Variants in SLMAP observed in about 807,000 individuals in gnomAD.
SLMAP encodes sarcolemma associated protein.
Under a neutral mutation model 128.8 loss-of-function variants are expected in SLMAP, and 44 were observed. The observed-to-expected ratio is 0.34, with a 90% CI of 0.27 to 0.44. The LOEUF (loss-of-function observed/expected upper bound fraction) is 0.44. Among genes scored for constraint, SLMAP ranks in the 20% least tolerant of loss-of-function variants. The probability of loss-of-function intolerance (pLI) is 1.00; values close to 1 mark genes in which losing one functional copy is unlikely to be tolerated. For synonymous variants in SLMAP, 327 were observed against 348.8 expected (o/e 0.94, Z 0.70); for missense variants, 787 against 985.3 (o/e 0.80, Z 2.69).
chr3:57,856,106 G>T (rs918467377), intron 6 of SLMAP, among the ~76,000 whole-genome samples: 2 of 151,882 alleles, frequency 1.3e-5, no homozygotes, highest in African/African-American at 4.8e-5. Context: ...TAGCTATTTG[G>T]AGGGCTGAGG....
chr3:57,819,298 T>C (rs371947424), intron 2 of SLMAP, among the ~76,000 whole-genome samples: 6 of 152,206 alleles, frequency 3.9e-5, no homozygotes, highest in African/African-American at 1.4e-4. Flanking sequence ...CAAAGTTATA[T>C]GCCAACTTGA....
At chr3:57,866,894 C>G (rs2095318598) in intron 13 of SLMAP, among the ~76,000 whole-genome samples, 1 of 151,684 alleles carries the variant, frequency 6.6e-6, no homozygotes, top group Non-Finnish European at 1.5e-5. Flanking sequence ...AAAATCATGT[C>G]CGGGGCAGTG....
At chr3:57,845,651 AC>A (rs1055397959) in intron 4 of SLMAP, among the ~76,000 whole-genome samples, 110 of 152,132 alleles carry the variant, frequency 7.2e-4, no homozygotes, top group African/African-American at 2.5e-3. Context: ...CCCTGTACTC[AC>A]CCCCAACATA....
intron 7 of SLMAP, 26 bp from the exon 8 acceptor site, chr3:57,858,062 A>G (rs201922756): frequency 4.4e-6 from 6 of 1,374,642 alleles, no homozygotes; most frequent in Non-Finnish European, 6.2e-6. Flanking sequence ...CTCGGGTTTT[A>G]CTTACATTTA....
chr3:57,923,270 G>A (rs1288794628), intron 23 of SLMAP, among the ~76,000 whole-genome samples: 1 of 152,206 alleles, frequency 6.6e-6, no homozygotes, highest in East Asian at 1.9e-4. Flanking sequence ...CAATAAAGCA[G>A]CTTGCTTAAG....
At chr3:57,896,764 C>T in intron 16 of SLMAP, 109 bp from the exon 17 acceptor site, 1 of 1,402,678 alleles carries the variant, frequency 7.1e-7, no homozygotes, top group South Asian at 1.5e-5. Flanking sequence ...TTTCAACTAC[C>T]CGAATATAAT....
At chr3:57,882,301 TA>T (rs2095765719) in intron 14 of SLMAP, among the ~76,000 whole-genome samples, 1 of 151,972 alleles carries the variant, frequency 6.6e-6, no homozygotes, top group Admixed American at 6.6e-5. Flanking sequence ...AGACAAAAAA[TA>T]ATAAACCAAA....
Position 57,831,415 on chromosome 3 carries a change from T to C in SLMAP, c.231T>C (p.Gly77=). The part of the protein sequence containing the change: ...FYLQDTKSSN[G]TFINSQRLSR... Reference sequence around the variant, plus strand: ...TTCAAGACACTAAAAGTAGTAATGGTACTTTTATAAATAGCCAGAGATTGA... The same window carrying C: ...TTCAAGACACTAAAAGTAGTAATGGCACTTTTATAAATAGCCAGAGATTGA... Residue 77 remains glycine (G), a synonymous_variant, in exon 3 of 25, where the codon GGT becomes GGC. Coordinates refer to ENST00000671191, the MANE Select transcript of SLMAP (RefSeq NM_001377540.1). 3 of 1,574,708 alleles carry C rather than the reference T, an allele frequency of 1.9e-6. No individual in the cohort carries two copies. Among genetic ancestry groups the C allele is most frequent in the Middle Eastern group, 1.7e-4 (1 of 5,930 alleles).
chr3:57,766,144 G>A (rs1176571533), intron 2 of SLMAP, among the ~76,000 whole-genome samples: 1 of 141,758 alleles, frequency 7.1e-6, no homozygotes, highest in Admixed American at 7.3e-5. Flanking sequence ...GACTACAGGC[G>A]CCTACCACCA....
intron 2 of SLMAP, among the ~76,000 whole-genome samples, chr3:57,806,683 A>T (rs1374461599): frequency 6.6e-6 from 1 of 151,716 alleles, no homozygotes. Flanking sequence ...CAAGTGATCC[A>T]CCTACCTCGG....
intron 2 of SLMAP, among the ~76,000 whole-genome samples, chr3:57,766,761 G>C (rs141327705): frequency 9.9e-5 from 15 of 151,764 alleles, no homozygotes; most frequent in South Asian, 8.3e-4. Flanking sequence ...TTTTTTTGCT[G>C]TTTTGTCTTC....
At chr3:57,899,776 T>A (rs1050532066) in intron 17 of SLMAP, 7 of 152,164 alleles carry the variant, frequency 4.6e-5, no homozygotes, top group Non-Finnish European at 1.0e-4. Context: ...CAGCTTGATT[T>A]TAAGAACAGA....
intron 2 of SLMAP, among the ~76,000 whole-genome samples, chr3:57,781,922 C>T (rs1057178703): frequency 1.3e-5 from 2 of 151,714 alleles, no homozygotes; most frequent in African/African-American, 2.4e-5. Flanking sequence ...TAACTAGATG[C>T]GGGGTTTCAC....
chr3:57,839,034 G>A (rs1418360098), intron 3 of SLMAP, among the ~76,000 whole-genome samples: 2 of 151,698 alleles, frequency 1.3e-5, no homozygotes, highest in African/African-American at 4.8e-5. Flanking sequence ...GGTCACTGTA[G>A]CCTCGAACTC....
chr3:57,857,345 A>G (rs1335505100), intron 6 of SLMAP, among the ~76,000 whole-genome samples: 4 of 152,182 alleles, frequency 2.6e-5, no homozygotes, highest in Admixed American at 6.5e-5. Flanking sequence ...ACCAAACCCT[A>G]TATCTACTAT....
chr3:57,778,065 G>A (rs2082274911), intron 2 of SLMAP, among the ~76,000 whole-genome samples: 1 of 152,150 alleles, frequency 6.6e-6, no homozygotes, highest in African/African-American at 2.4e-5. Flanking sequence ...TGTTCATGAA[G>A]TATTCGTCTT....
intron 6 of SLMAP, among the ~76,000 whole-genome samples, chr3:57,857,291 A>G (rs1325941862): frequency 2.0e-5 from 3 of 152,200 alleles, no homozygotes; most frequent in Non-Finnish European, 4.4e-5. Context: ...TCTGCAGGGA[A>G]TATGTTCCAT....
chr3:57,856,580 G>T (rs552799732), intron 6 of SLMAP, among the ~76,000 whole-genome samples: 1 of 152,204 alleles, frequency 6.6e-6, no homozygotes, highest in African/African-American at 2.4e-5. Context: ...GCAGTAACAT[G>T]CATGGAGCTG....
intron 2 of SLMAP, among the ~76,000 whole-genome samples, chr3:57,815,979 CT>C: frequency 6.6e-6 from 1 of 152,214 alleles, no homozygotes. Context: ...GCTTTATATC[CT>C]TTAACCTTTA....
Sources: allele counts gnomAD v4.1 joint callset (sites outside exome capture counted in the v4.1 genomes callset), GRCh38; gene constraint gnomAD v4.1.1; transcripts MANE v1.5; gene names NCBI Gene and HGNC (gene_info 2026-07-23, HGNC 2026-07-21).